GALE: variants seen among roughly 807,000 people sequenced by gnomAD.
GALE encodes UDP-glucose 4-epimerase.
A neutral mutation model predicts 44.1 loss-of-function variants in GALE; 32 were observed. The ratio of observed to expected loss-of-function variants is 0.73; its 90% CI spans 0.55 to 0.97. GALE has a LOEUF of 0.97. Ranked by LOEUF, GALE falls within the 50% of genes least tolerant of loss-of-function variation. The pLI is 0.00. For synonymous variants in GALE, 182 were observed against 183.5 expected (o/e 0.99, Z 0.06); for missense variants, 423 against 455.6 (o/e 0.93, Z 0.65).
In GALE at chr1:23,798,283, T is replaced by TTGCCAA; in HGVS notation, c.238-54_238-53insTTGGCA. ...CTCTACTGGTTTTAGTCCTTGGCAA[T>TTGCCAA]GCCCTCAGCCTGCCTGCCTGCACTC... On this transcript the variant is annotated intron_variant, in intron 4 of 11. Transcript: ENST00000617979. The surrounding 1 kb of genome is among the most constrained non-coding windows in gnomAD (Gnocchi z 4.5). The TTGCCAA allele has an allele frequency of 1.5e-6, 2 of 1,316,854 alleles. No homozygotes were observed. Among genetic ancestry groups the TTGCCAA allele is most frequent in the Non-Finnish European group, 2.2e-6 (2 of 910,514 alleles). The allele number at this position is 1,316,854 out of a possible 1,614,324, so 81.6% of individuals were successfully genotyped here. A position where few individuals can be genotyped will look rare whatever the true frequency, so the allele number is the denominator to read the frequency against.
chr1:23,799,072 C>T lies in GALE; in HGVS notation c.-5-60G>A, dbSNP rs1639054294. The T allele has an allele frequency of 4.3e-6, 7 of 1,610,802 alleles. No homozygotes were observed. In the South Asian group the frequency reaches 7.7e-5, roughly 18 times the overall value. Reference sequence around the variant, plus strand: ...GGCTGCCTGCTCAGAGCTTCCTTCCCACTGGAATCCTGCCCCCTAAGCTCG... The same window carrying T: ...GGCTGCCTGCTCAGAGCTTCCTTCCTACTGGAATCCTGCCCCCTAAGCTCG... On this transcript the variant is annotated intron_variant, in intron 2 of 11. Coordinates refer to ENST00000617979, the MANE Select transcript of GALE (RefSeq NM_001008216.2).
rs1638960014 is a variant in GALE, at chr1:23,796,507, A to G, written c.873+2T>C. The stretch of plus-strand genomic sequence containing the variant: ...TGAGGTGGGTGGGGCGGGGGGGCCT[A>G]CCTTCTTCCCAGAGGCCTTCTCCAT... On this transcript the variant is annotated splice_donor_variant, in intron 10 of 11. Transcript: ENST00000617979. LOFTEE classifies it high-confidence loss of function. This position sits in a 1 kb window ranked among gnomAD's most constrained non-coding sequence, Gnocchi z 5.2. 6.2e-7 allele frequency: 1 copy of G among 1,611,654 alleles called. No individual in the cohort carries two copies. Among genetic ancestry groups the G allele is most frequent in the South Asian group, 1.1e-5 (1 of 90,984 alleles).
Position 23,796,463 on chromosome 1 carries a change from CTGGGTGGGGTGAGG to C in GALE, c.873+32_873+45del. On this transcript the variant is annotated intron_variant, in intron 10 of 11. Transcript: ENST00000617979. The surrounding 1 kb of genome is among the most constrained non-coding windows in gnomAD (Gnocchi z 5.2). ...GCCAAAGCTGCTCTGTTGCTGAGAG[CTGGGTGGGGTGAGG>C]TGGGTGAGGTGGGTGGGGCGGGGGG... 8.8e-7 allele frequency: 1 copy of C among 1,142,060 alleles called. No homozygotes were observed. 70.7% of individuals were successfully genotyped at this position (1,142,060 alleles called of 1,614,324 possible). A position where few individuals can be genotyped will look rare whatever the true frequency, so the allele number is the denominator to read the frequency against.
At chr1:23,797,265 G>T in intron 6 of GALE, 118 bp from the exon 7 acceptor site, 1 of 757,612 alleles carries the variant, frequency 1.3e-6, no homozygotes, top group African/African-American at 1.7e-5. Flanking sequence ...TATGGCCCAG[G>T]CTGGAGTGTA....
chr1:23,798,609 A>G lies in GALE; in HGVS notation c.237+6T>C, dbSNP rs1204331006. 2 of 1,603,546 alleles carry G rather than the reference A, an allele frequency of 1.2e-6. No homozygotes were observed. The highest frequency in any genetic ancestry group is 1.7e-6 in the Non-Finnish European group (2 of 1,170,720). ...GCGTGAGCCACCGTGCCCAGCCTGC[A>G]CCCACCTTTTTGAAGAGACGCTGTA... On this transcript the variant is annotated splice_donor_region_variant and intron_variant, in intron 4 of 11. Coordinates refer to ENST00000617979, the MANE Select transcript of GALE (RefSeq NM_001008216.2). This position sits in a 1 kb window ranked among gnomAD's most constrained non-coding sequence, Gnocchi z 4.5.
Position 23,798,096 on chromosome 1 carries a change from G to A in GALE, c.351+21C>T. ...AGCTGGACACCCTCCTAGTGTCTGT[G>A]CCCTGTCCCATGCCTCTCACCTCCA... On this transcript the variant is annotated intron_variant, in intron 5 of 11. Transcript: ENST00000617979. The surrounding 1 kb of genome is among the most constrained non-coding windows in gnomAD (Gnocchi z 4.5). The A allele has an allele frequency of 6.3e-7, 1 of 1,575,222 alleles. No individual in the cohort carries two copies. The highest frequency in any genetic ancestry group is 8.7e-7 in the Non-Finnish European group (1 of 1,144,426).
Position 23,796,097 on chromosome 1 carries a change from A to G in GALE, c.988+54T>C. ...GCCCGCCCTGGGTGGGCATGCCCAG[A>G]TCTGATTTAGCCCCTCCCTGGCCCC... On this transcript the variant is annotated intron_variant, in intron 11 of 11. Transcript: ENST00000617979. The surrounding 1 kb of genome is among the most constrained non-coding windows in gnomAD (Gnocchi z 5.2). The G allele has an allele frequency of 6.2e-7, 1 of 1,600,924 alleles. No homozygotes were observed. The highest frequency in any genetic ancestry group is 8.6e-7 in the Non-Finnish European group (1 of 1,168,342).
chr1:23,798,103 C>G lies in GALE; in HGVS notation c.351+14G>C. 6.3e-7 allele frequency: 1 copy of G among 1,596,586 alleles called. No homozygotes were observed. Among genetic ancestry groups the G allele is most frequent in the Non-Finnish European group, 8.6e-7 (1 of 1,163,892 alleles). On this transcript the variant is annotated intron_variant, in intron 5 of 11. Transcript: ENST00000617979. This position sits in a 1 kb window ranked among gnomAD's most constrained non-coding sequence, Gnocchi z 4.5. ...CACCCTCCTAGTGTCTGTGCCCTGT[C>G]CCATGCCTCTCACCTCCAGAAGCTG... is the stretch of plus-strand genomic sequence containing the variant.
At chr1:23,800,637 C>G (rs919590017) in intron 1 of GALE, 75 bp downstream of exon 1, 2 of 152,252 alleles carry the variant, frequency 1.3e-5, no homozygotes, top group Non-Finnish European at 2.9e-5. Context: ...ACCCGCCCCT[C>G]GGAAACTCCC....
chr1:23,798,886 C>G lies in GALE; in HGVS notation c.121+1G>C, dbSNP rs1215202379. 6.2e-7 allele frequency: 1 copy of G among 1,614,196 alleles called. No homozygotes were observed. The highest frequency in any genetic ancestry group is 1.1e-5 in the South Asian group (1 of 91,086). On this transcript the variant is annotated splice_donor_variant, in intron 3 of 11. Transcript: ENST00000617979. LOFTEE classifies it high-confidence loss of function. This position sits in a 1 kb window ranked among gnomAD's most constrained non-coding sequence, Gnocchi z 4.5. ...AGCCCCAGCCCCACTGCCCCGCTCA[C>G]CACGGAAGGCATTATGGAAGTTATC...
chr1:23,799,039 G>A, intron 2 of GALE, 27 bp from the exon 3 acceptor site: 2 of 1,613,996 alleles, frequency 1.2e-6, no homozygotes, highest in Non-Finnish European at 8.5e-7. Flanking sequence ...AGTCTCAGAG[G>A]TGGCTGAGGC....
chr1:23,798,730 CCTGGTAGGGTA>C lies in GALE; in HGVS notation c.122-11_122-1del, dbSNP rs747715399. ...CAGGCTCTCAGGCAGGGAGCCCCCT[CCTGGTAGGGTA>C]CATGTAGGCCACATCATCACGACAT... On this transcript the variant is annotated splice_acceptor_variant and splice_polypyrimidine_tract_variant and intron_variant, in intron 3 of 11. Coordinates refer to ENST00000617979, the MANE Select transcript of GALE (RefSeq NM_001008216.2). LOFTEE classifies it high-confidence loss of function. The surrounding 1 kb of genome is among the most constrained non-coding windows in gnomAD (Gnocchi z 4.5). The C allele has an allele frequency of 6.2e-7, 1 of 1,613,528 alleles. No individual in the cohort carries two copies.
Position 23,796,761 on chromosome 1 carries a change from A to G in GALE, c.731T>C (p.Val244Ala). ...DGTGVRDYIH[V>A]VDLAKGHIAA... ...AATGTGGCCCTTGGCCAGATCCACGACATGGATGTAATCCCGGACACCTGC... is the reference window on the plus strand; with the variant it reads ...AATGTGGCCCTTGGCCAGATCCACGGCATGGATGTAATCCCGGACACCTGC... Residue 244 changes from valine (V) to alanine (A), a missense_variant, in exon 9 of 12, where the codon GTC becomes GCC. Coordinates refer to ENST00000617979, the MANE Select transcript of GALE (RefSeq NM_001008216.2). This position sits in a 1 kb window ranked among gnomAD's most constrained non-coding sequence, Gnocchi z 5.2. The G allele has an allele frequency of 6.2e-7, 1 of 1,611,816 alleles. No individual in the cohort carries two copies. Among genetic ancestry groups the G allele is most frequent in the Non-Finnish European group, 8.5e-7 (1 of 1,178,868 alleles).
Position 23,795,985 on chromosome 1 carries a change from C to T in GALE, c.1011G>A (p.Gln337=). ...TGCCAAAGCCTGAAGGATTCTGCTT[C>T]TGCCAGCGCCAGAGATCCTCACCTG... ...DRMCEDLWRW[Q]KQNPSGFGTQ... The change falls in exon 12 of 12, where the codon CAG becomes CAA. Residue 337 remains glutamine, a synonymous_variant. Coordinates refer to ENST00000617979, the MANE Select transcript of GALE (RefSeq NM_001008216.2). 2 of 1,614,070 alleles carry T rather than the reference C, an allele frequency of 1.2e-6. No individual in the cohort carries two copies. The highest frequency in any genetic ancestry group is 1.7e-6 in the Non-Finnish European group (2 of 1,179,998).
In GALE at chr1:23,798,376, C is replaced by T; in HGVS notation, c.238-146G>A. 1.4e-6 allele frequency: 1 copy of T among 725,100 alleles called. No individual in the cohort carries two copies. Among genetic ancestry groups the T allele is most frequent in the Non-Finnish European group, 2.4e-6 (1 of 409,700 alleles). The allele number at this position is 725,100 out of a possible 1,614,324, so 44.9% of individuals were successfully genotyped here. Reference sequence around the variant, plus strand: ...CTGGAGTACAGTGGTGCCATCTCAGCTCACCGCAACCTCCACCTCCCAGGC... The same window carrying T: ...CTGGAGTACAGTGGTGCCATCTCAGTTCACCGCAACCTCCACCTCCCAGGC... On this transcript the variant is annotated intron_variant, in intron 4 of 11. Transcript: ENST00000617979. The surrounding 1 kb of genome is among the most constrained non-coding windows in gnomAD (Gnocchi z 4.5).
chr1:23,800,639 G>A (rs932288109), intron 1 of GALE, 73 bp downstream of exon 1: 1 of 152,104 alleles, frequency 6.6e-6, no homozygotes, highest in Non-Finnish European at 1.5e-5. Flanking sequence ...CCGCCCCTCG[G>A]AAACTCCCTC....
rs1482922413 is a variant in GALE at position 23,795,881 on chromosome 1, T to C, written c.*68A>G. On this transcript the variant is annotated 3_prime_UTR_variant, in exon 12 of 12. Transcript: ENST00000617979. ...CTTGGCCCCAGCAGCTCCAGGGCCC[T>C]GAGTTCCTGCCAGAGGCTGGAGAGC... is the stretch of plus-strand genomic sequence containing the variant. The C allele has an allele frequency of 6.6e-7, 1 of 1,511,388 alleles. No individual in the cohort carries two copies. The highest frequency in any genetic ancestry group is 9.2e-7 in the Non-Finnish European group (1 of 1,091,706). 93.6% of individuals were successfully genotyped at this position (1,511,388 alleles called of 1,614,324 possible). A position where few individuals can be genotyped will look rare whatever the true frequency, so the allele number is the denominator to read the frequency against.
In GALE at chr1:23,796,160, C is replaced by G. The variant is rs150326189; in HGVS notation, c.979G>C (p.Asp327His). Residue 327 changes from aspartate (D) to histidine (H), a missense_variant, in exon 11 of 12, where the codon GAC becomes CAC. Coordinates refer to ENST00000617979, the MANE Select transcript of GALE (RefSeq NM_001008216.2). The surrounding 1 kb of genome is among the most constrained non-coding windows in gnomAD (Gnocchi z 5.2). ...TCAGGCCAGCACTCACACATCCTGT[C>G]CAGCCCTAAGGCTGCTGTCCACCCC... is the stretch of plus-strand genomic sequence containing the variant. The part of the protein sequence containing the change: ...ELGWTAALGL[D>H]RMCEDLWRWQ... The G allele has an allele frequency of 5.0e-6, 8 of 1,613,670 alleles. No individual in the cohort carries two copies. In the African/African-American group the frequency reaches 1.1e-4, roughly 22 times the overall value.
rs1638922924 is a variant in GALE at position 23,795,643 on chromosome 1, G to A, written c.*306C>T. 7 of 528,664 alleles carry A rather than the reference G, an allele frequency of 1.3e-5. No homozygotes were observed. The East Asian group carries it at 2.0e-4, about 15-fold the overall frequency. 32.7% of individuals were successfully genotyped at this position (528,664 alleles called of 1,614,324 possible). A position where few individuals can be genotyped will look rare whatever the true frequency, so the allele number is the denominator to read the frequency against. On this transcript the variant is annotated 3_prime_UTR_variant, in exon 12 of 12. Transcript: ENST00000617979. Reference sequence around the variant, plus strand: ...TTTTTATTTTTAAATACTTTGGAAAGCTCTTTCAGAGCAATATAAATGAGT... The same window carrying A: ...TTTTTATTTTTAAATACTTTGGAAAACTCTTTCAGAGCAATATAAATGAGT...
Sources: allele counts gnomAD v4.1 joint callset, GRCh38; gene constraint gnomAD v4.1.1; non-coding constraint Gnocchi (gnomAD v3.1); transcripts MANE v1.5; gene names NCBI Gene and HGNC (gene_info 2026-07-23, HGNC 2026-07-21).